CECR2: variants seen among roughly 807,000 people sequenced by gnomAD.
CECR2 encodes CECR2 histone acetyl-lysine reader.
CECR2 carries 30 observed loss-of-function variants against 154.5 expected under a neutral mutation model. The ratio of observed to expected loss-of-function variants is 0.19; its 90% confidence interval spans 0.15 to 0.26. The LOEUF (loss-of-function observed/expected upper bound fraction) is 0.26, where lower values mean the gene tolerates loss of function less well. Among genes scored for constraint, CECR2 ranks in the 10% least tolerant of loss-of-function variants. CECR2 has a pLI of 1.00. For synonymous variants in CECR2, 725 were observed against 683.7 expected (o/e 1.06, Z -0.94); for missense variants, 1,743 against 1,829.3 (o/e 0.95, Z 0.86).
intron 8 of CECR2, among the ~76,000 whole-genome samples, chr22:17,518,180 G>T (rs769808313): frequency 6.6e-6 from 1 of 152,172 alleles, no homozygotes; most frequent in Non-Finnish European, 1.5e-5. Flanking sequence ...GAGTTTATTA[G>T]GAGAGAGAGC....
intron 2 of CECR2, 48 bp from the exon 3 acceptor site, chr22:17,497,355 A>C (rs1315887534): frequency 6.5e-7 from 1 of 1,531,640 alleles, no homozygotes; most frequent in African/African-American, 1.4e-5. Context: ...CTCCCAACCA[A>C]CCTATATTTT....
intron 1 of CECR2, among the ~76,000 whole-genome samples, chr22:17,426,584 T>C (rs1006544640): frequency 6.6e-6 from 1 of 152,224 alleles, no homozygotes; most frequent in Non-Finnish European, 1.5e-5. Flanking sequence ...CTCAAACTCC[T>C]GACCTCAGGT....
intron 1 of CECR2, among the ~76,000 whole-genome samples, chr22:17,382,054 ATTTTTT>A (rs10680101): frequency 6.8e-6 from 1 of 146,128 alleles, no homozygotes; most frequent in Non-Finnish European, 1.5e-5. Flanking sequence ...CGCCCTGCTA[ATTTTTT>A]TTTTTTTTTT....
chr22:17,512,654 G>A (rs559527878), intron 8 of CECR2, among the ~76,000 whole-genome samples: 13 of 148,696 alleles, frequency 8.7e-5, no homozygotes, highest in African/African-American at 2.5e-4. Context: ...AGTGAGCTAC[G>A]ATCGCACCAC....
chr22:17,486,452 A>G (rs1181037397), intron 2 of CECR2, among the ~76,000 whole-genome samples: 2 of 152,174 alleles, frequency 1.3e-5, no homozygotes, highest in African/African-American at 4.8e-5. Context: ...GTGACACGCC[A>G]CTGGGGGCGT....
intron 6 of CECR2, among the ~76,000 whole-genome samples, chr22:17,503,459 C>T (rs1311881703): frequency 6.6e-6 from 1 of 152,088 alleles, no homozygotes; most frequent in Non-Finnish European, 1.5e-5. Flanking sequence ...CAATGGTTTC[C>T]TTATAGGTTT....
chr22:17,548,616 G>C lies in CECR2; in HGVS notation c.3329G>C (p.Gly1110Ala). 4 of 1,613,262 alleles carry C rather than the reference G, an allele frequency of 2.5e-6. No individual in the cohort carries two copies. Among genetic ancestry groups the C allele is most frequent in the Non-Finnish European group, 3.4e-6 (4 of 1,179,618 alleles). The change falls in exon 17 of 19, where the codon GGA becomes GCA. Residue 1110 changes from glycine (G) to alanine (A), a missense_variant. Gly to Ala is a moderately conservative substitution (Grantham distance 60). This residue lies in a region of CECR2 where 1,250 missense variants were observed against 1,192.1 expected (regional missense o/e 1.05). Coordinates refer to ENST00000262608, the MANE Select transcript of CECR2 (RefSeq NM_001290047.2). Reference protein sequence around the residue: ...TPPSTDPGLTGGTVSQFPPLY... With the variant: ...TPPSTDPGLTAGTVSQFPPLY... ...CCCAGCACAGACCCCGGTTTGACGG[G>C]AGGCACTGTGAGCCAGTTTCCCCCG...
At chr22:17,505,534 CTTTTTTTTTTT>C (rs11387639) in intron 7 of CECR2, among the ~76,000 whole-genome samples, 292 of 98,850 alleles carry the variant, frequency 3.0e-3, no homozygotes, top group Non-Finnish European at 4.3e-3. Context: ...CCTCTTTTTC[CTTTTTTTTTTT>C]TTTTTTTTTT....
intron 1 of CECR2, among the ~76,000 whole-genome samples, chr22:17,400,259 C>A (rs187734840): frequency 1.3e-5 from 2 of 152,268 alleles, no homozygotes. Flanking sequence ...TTACCCTCAA[C>A]TGTTATATGC....
chr22:17,409,904 T>G (rs2054039034), intron 1 of CECR2, among the ~76,000 whole-genome samples: 1 of 112,074 alleles, frequency 8.9e-6, no homozygotes, highest in South Asian at 2.6e-4. Flanking sequence ...TTATCCATAT[T>G]TGTGTTCTGA....
intron 1 of CECR2, among the ~76,000 whole-genome samples, chr22:17,444,812 A>G (rs1254355094): frequency 1.3e-5 from 2 of 152,220 alleles, no homozygotes; most frequent in Non-Finnish European, 2.9e-5. Context: ...AAGGGTTAGT[A>G]AAAGCTTTCA....
At chr22:17,369,416 C>G (rs1344861500), upstream of CECR2, 1 of 151,072 alleles carries the variant, frequency 6.6e-6, no homozygotes, top group Non-Finnish European at 1.5e-5. Flanking sequence ...TCGTGGGCGG[C>G]CCCTCCCCCA....
intron 2 of CECR2, among the ~76,000 whole-genome samples, chr22:17,496,490 ACT>A (rs895948675): frequency 9.9e-5 from 15 of 151,272 alleles, no homozygotes; most frequent in Non-Finnish European, 2.1e-4. Context: ...ACAGAGCGAG[ACT>A]CTGTCTCAAA....
intron 9 of CECR2, among the ~76,000 whole-genome samples, chr22:17,527,392 A>G (rs186877024): frequency 1.4e-3 from 216 of 152,340 alleles, no homozygotes; most frequent in African/African-American, 5.1e-3. Context: ...TGGGAGGTCC[A>G]GGCTCCAGTG....
At chr22:17,493,264 GC>G (rs1555917780) in intron 2 of CECR2, among the ~76,000 whole-genome samples, 3 of 152,126 alleles carry the variant, frequency 2.0e-5, no homozygotes, top group Non-Finnish European at 4.4e-5. Flanking sequence ...GAGCTACTGC[GC>G]CCGGCCTCTT....
chr22:17,466,952 C>CT (rs2055043530), intron 1 of CECR2, among the ~76,000 whole-genome samples: 1 of 152,110 alleles, frequency 6.6e-6, no homozygotes, highest in Non-Finnish European at 1.5e-5. Context: ...CCCGTATGTG[C>CT]TTTTGCATGG....
At chr22:17,539,850 T>C (rs5992731) in intron 13 of CECR2, among the ~76,000 whole-genome samples, 25,693 of 152,024 alleles carry the variant, frequency 0.17, 2,447 homozygotes, top group East Asian at 0.44. Context: ...TTTACTAACC[T>C]CGAGGCAGGA....
At chr22:17,383,234 A>T (rs2063220827) in intron 1 of CECR2, among the ~76,000 whole-genome samples, 3 of 152,088 alleles carry the variant, frequency 2.0e-5, no homozygotes, top group African/African-American at 4.8e-5. Context: ...CCAAAAAAAT[A>T]AAAAAAATCC....
Position 17,550,725 on chromosome 22 carries a change from G to A in CECR2, c.4277+1161G>A, listed in dbSNP as rs184434042. 1.1e-4 allele frequency among the ~76,000 whole-genome samples: 16 copies of A among 152,124 alleles called. No homozygotes were observed. In the East Asian group the frequency reaches 1.9e-3, roughly 18 times the overall value. On this transcript the variant is annotated intron_variant, in intron 17 of 18. Coordinates refer to ENST00000262608, the MANE Select transcript of CECR2 (RefSeq NM_001290047.2). ...CGGGAGGCCGAGGCGGGCAGATCAC[G>A]AGGTCAGGAGATTGAGACCATCCTG...
Sources: allele counts gnomAD v4.1 joint callset (sites outside exome capture counted in the v4.1 genomes callset), GRCh38; gene constraint gnomAD v4.1.1; regional missense constraint gnomAD v4.1.1; transcripts MANE v1.5; gene names NCBI Gene and HGNC (gene_info 2026-07-23, HGNC 2026-07-21).